Variants in FAM228B observed in about 807,000 individuals in gnomAD.
The protein encoded by FAM228B is family with sequence similarity 228 member B, also known as protein FAM228B.
FAM228B carries 38 observed loss-of-function variants against 42.6 expected under a neutral mutation model. That is an observed-to-expected ratio of 0.89 (90% CI 0.69 to 1.17). The LOEUF is 1.17. Ranked by LOEUF, FAM228B falls within the 50% of genes most tolerant of loss-of-function variation. The pLI is 0.00. For synonymous variants in FAM228B, 109 were observed against 122.3 expected, an observed-to-expected ratio of 0.89 and a Z score of 0.72; for missense variants, 344 against 367.3, an observed-to-expected ratio of 0.94 and a Z score of 0.52.
At chr2:24,161,279 C>T (rs1667278994) in intron 7 of FAM228B, among the ~76,000 whole-genome samples, 1 of 152,036 alleles carries the variant, frequency 6.6e-6, no homozygotes, top group Non-Finnish European at 1.5e-5. Context: ...GACCCCATCT[C>T]TACAAAAAAT....
chr2:24,083,999 T>A (rs1435468199), intron 2 of FAM228B, among the ~76,000 whole-genome samples: 2 of 152,154 alleles, frequency 1.3e-5, no homozygotes, highest in Non-Finnish European at 2.9e-5. Context: ...GGATTCTGCT[T>A]TACAAGTACT....
chr2:24,110,822 G>A (rs1174263463), intron 3 of FAM228B, among the ~76,000 whole-genome samples: 2 of 152,284 alleles, frequency 1.3e-5, no homozygotes, highest in East Asian at 3.9e-4. Flanking sequence ...GGGTAGCCTG[G>A]GGACCTGGAA....
At chr2:24,106,511 G>C (rs1432662430) in intron 3 of FAM228B, among the ~76,000 whole-genome samples, 1 of 151,672 alleles carries the variant, frequency 6.6e-6, no homozygotes, top group African/African-American at 2.4e-5. Context: ...GTAGAGACAG[G>C]GTTTTGCTGT....
intron 3 of FAM228B, among the ~76,000 whole-genome samples, chr2:24,117,920 G>A (rs909168914): frequency 6.6e-6 from 1 of 152,216 alleles, no homozygotes; most frequent in African/African-American, 2.4e-5. Flanking sequence ...CAAGATAGCT[G>A]TCCCTTCCCA....
chr2:24,129,306 CTTT>C (rs57641483), intron 2 of FAM228B, among the ~76,000 whole-genome samples: 2 of 139,418 alleles, frequency 1.4e-5, no homozygotes, highest in African/African-American at 2.6e-5. Context: ...TCTATTTTAT[CTTT>C]TTTTTTTTTT....
At chr2:24,127,369 G>GT (rs766065455) in intron 2 of FAM228B, among the ~76,000 whole-genome samples, 6 of 152,038 alleles carry the variant, frequency 3.9e-5, no homozygotes, top group African/African-American at 1.4e-4. Flanking sequence ...GGTTGTTTCT[G>GT]TTTTTTTGCT....
At chr2:24,139,294 A>G (rs1666691115) in intron 4 of FAM228B, 76 bp from the exon 5 acceptor site, 2 of 754,642 alleles carry the variant, frequency 2.7e-6, no homozygotes, top group African/African-American at 1.8e-5. Flanking sequence ...TATGTGTTTG[A>G]CTCTCAAGTC....
rs562117610 is a variant in FAM228B at position 24,092,070 on chromosome 2, A to G, written c.-209-3071A>G. Among the ~76,000 whole-genome samples, 3 of 151,912 alleles carry G rather than the reference A, an allele frequency of 2.0e-5. No individual in the cohort carries two copies. In the South Asian group the frequency reaches 6.3e-4, roughly 32 times the overall value. On this transcript the variant is annotated intron_variant, in intron 2 of 10. Transcript: ENST00000613899. Reference sequence around the variant, plus strand: ...AACATAGCAAAACCCCATCCCTACAAAAAATTAGCCAGGCATGGTGGCATG... The same window carrying G: ...AACATAGCAAAACCCCATCCCTACAGAAAATTAGCCAGGCATGGTGGCATG...
rs1223060222 is a variant in FAM228B, at chr2:24,084,228, C to T, written c.-210+3273C>T. On this transcript the variant is annotated intron_variant, in intron 2 of 10. Coordinates refer to the FAM228B transcript ENST00000613899. The surrounding 1 kb of genome is among the most constrained non-coding windows in gnomAD (Gnocchi z 8.4). ...CCCGGTTCAGGGCGCTGGCCGCCAC[C>T]TTCAGGAGGACTTCACCCTCCCCCG... 5.0e-6 allele frequency: 8 copies of T among 1,614,016 alleles called. No homozygotes were observed. The South Asian group carries it at 5.5e-5, about 11-fold the overall frequency.
At chr2:24,143,079 C>A (rs1439425617) in intron 5 of FAM228B, among the ~76,000 whole-genome samples, 1 of 152,182 alleles carries the variant, frequency 6.6e-6, no homozygotes, top group East Asian at 1.9e-4. Context: ...AAGAAACTAC[C>A]TCTTACTGAG....
At chr2:24,158,529 G>T (rs1180393122) in intron 7 of FAM228B, among the ~76,000 whole-genome samples, 1 of 152,052 alleles carries the variant, frequency 6.6e-6, no homozygotes, top group Non-Finnish European at 1.5e-5. Context: ...CTGAGGAGGG[G>T]GTGAGATGCT....
rs143149458 is a variant in FAM228B, at chr2:24,093,482, C to T, written c.-209-1659C>T. ...CATGTCCCTGCAAAGGACATGAACT[C>T]ACTCTTTTTTATGGCTGCATAGTAT... On this transcript the variant is annotated intron_variant, in intron 2 of 10. Transcript: ENST00000613899. Among the ~76,000 whole-genome samples, 1,320 of 152,308 alleles carry T rather than the reference C, an allele frequency of 8.7e-3. 10 individuals carry two copies. Among genetic ancestry groups the T allele is most frequent in the Non-Finnish European group, 0.014 (978 of 68,034 alleles).
chr2:24,134,446 C>T (rs1666529612), intron 2 of FAM228B, among the ~76,000 whole-genome samples: 1 of 152,182 alleles, frequency 6.6e-6, no homozygotes. Context: ...ATTAGTATGT[C>T]TTGCATAGTC....
chr2:24,081,028 T>A, intron 2 of FAM228B: 1 of 1,611,470 alleles, frequency 6.2e-7, no homozygotes, highest in Non-Finnish European at 8.5e-7. Context: ...AGCCTGAACA[T>A]TTCCTGTGAC....
At chr2:24,078,304 T>A (rs1664848206) in intron 1 of FAM228B, among the ~76,000 whole-genome samples, 1 of 152,016 alleles carries the variant, frequency 6.6e-6, no homozygotes, top group South Asian at 2.1e-4. Context: ...AGCATCTTAC[T>A]TTGGCCGAAT....
At chr2:24,120,235 C>T (rs1666061885), upstream of FAM228B, among the ~76,000 whole-genome samples, 1 of 151,774 alleles carries the variant, frequency 6.6e-6, no homozygotes, top group Non-Finnish European at 1.5e-5. Flanking sequence ...TGCCATTGCA[C>T]TCCAGCCTGG....
At chr2:24,127,536 C>G (rs1337879832) in intron 2 of FAM228B, among the ~76,000 whole-genome samples, 6 of 152,164 alleles carry the variant, frequency 3.9e-5, no homozygotes, top group Admixed American at 3.9e-4. Context: ...TTTCCCACAG[C>G]AGTGATACCG....
intron 8 of FAM228B, 148 bp downstream of exon 8, chr2:24,161,761 T>C (rs542960001): frequency 1.6e-6 from 1 of 614,320 alleles, no homozygotes; most frequent in South Asian, 1.9e-5. Flanking sequence ...CTCCTACCAC[T>C]GTGTCTGGTG....
chr2:24,146,275 G>C (rs573624509), intron 5 of FAM228B, among the ~76,000 whole-genome samples: 4 of 152,096 alleles, frequency 2.6e-5, no homozygotes, highest in Non-Finnish European at 5.9e-5. Context: ...TTTTGATATT[G>C]ATAATATTGG....
Sources: allele counts gnomAD v4.1 joint callset (sites outside exome capture counted in the v4.1 genomes callset), GRCh38; gene constraint gnomAD v4.1.1; non-coding constraint Gnocchi (gnomAD v3.1); transcripts MANE v1.5; gene names NCBI Gene and HGNC (gene_info 2026-07-23, HGNC 2026-07-21).